PTK7: variants seen among roughly 807,000 people sequenced by gnomAD.
PTK7 encodes the protein protein tyrosine kinase 7 (inactive).
PTK7 carries 39 observed loss-of-function variants against 116.6 expected under a neutral mutation model. The ratio of observed to expected loss-of-function variants is 0.33; its 90% confidence interval spans 0.26 to 0.44. The LOEUF is 0.44. Among genes scored for constraint, PTK7 ranks in the 20% least tolerant of loss-of-function variants. The probability of loss-of-function intolerance (pLI) is 1.00; values close to 1 mark genes in which losing one functional copy is unlikely to be tolerated. For synonymous variants in PTK7, 546 were observed against 563.6 expected, an observed-to-expected ratio of 0.97 and a Z score of 0.44; for missense variants, 1,169 against 1,425.6, an observed-to-expected ratio of 0.82 and a Z score of 2.90.
At chr6:43,113,080 A>G (rs1393707760) in intron 1 of PTK7, among the ~76,000 whole-genome samples, 1 of 152,060 alleles carries the variant, frequency 6.6e-6, no homozygotes, top group Non-Finnish European at 1.5e-5. Context: ...TCAGCCTCCC[A>G]AAGTGCTCTT....
intron 1 of PTK7, among the ~76,000 whole-genome samples, chr6:43,105,506 T>C (rs1329051154): frequency 1.3e-5 from 2 of 150,548 alleles, no homozygotes; most frequent in Non-Finnish European, 2.9e-5. Flanking sequence ...GAGGGTGAAT[T>C]GTGTCCTCCC....
chr6:43,100,400 A>G (rs572605415), intron 1 of PTK7, among the ~76,000 whole-genome samples: 1 of 146,836 alleles, frequency 6.8e-6, no homozygotes, highest in South Asian at 2.2e-4. Context: ...AAAAAAAATC[A>G]TTAGGGTTTT....
At chr6:43,134,608 C>A (rs1234451300) in intron 7 of PTK7, among the ~76,000 whole-genome samples, 1 of 151,712 alleles carries the variant, frequency 6.6e-6, no homozygotes, top group Non-Finnish European at 1.5e-5. Flanking sequence ...GGTGAAACCC[C>A]GTCTCTACTA....
At chr6:43,080,342 ACT>A (rs1766308790) in intron 1 of PTK7, among the ~76,000 whole-genome samples, 1 of 151,970 alleles carries the variant, frequency 6.6e-6, no homozygotes. Context: ...TCAGAGCGAG[ACT>A]CTGTCTCAAA....
rs1441424266 is a variant in PTK7 at position 43,076,894 on chromosome 6, T to G, written c.79+327T>G. On this transcript the variant is annotated intron_variant, in intron 1 of 19. Coordinates refer to ENST00000230419, the MANE Select transcript of PTK7 (RefSeq NM_002821.5). This position sits in a 1 kb window ranked among gnomAD's most constrained non-coding sequence, Gnocchi z 5.7. ...GGCTCTCGGGCCCAGATGGGGAGTTTCTTGTCGGGGGAGAAAAGACCATCC... is the reference window on the plus strand; with the variant it reads ...GGCTCTCGGGCCCAGATGGGGAGTTGCTTGTCGGGGGAGAAAAGACCATCC... 1 of 1,507,692 alleles carries G rather than the reference T, an allele frequency of 6.6e-7. No homozygotes were observed. Among genetic ancestry groups the G allele is most frequent in the African/African-American group, 1.4e-5 (1 of 72,132 alleles). 93.4% of individuals were successfully genotyped at this position (1,507,692 alleles called of 1,614,324 possible). A position where few individuals can be genotyped will look rare whatever the true frequency, so the allele number is the denominator to read the frequency against.
At chr6:43,118,628 T>TCC (rs1768713794) in intron 1 of PTK7, among the ~76,000 whole-genome samples, 1 of 65,614 alleles carries the variant, frequency 1.5e-5, no homozygotes, top group Non-Finnish European at 2.7e-5. Context: ...AACCTCTCTC[T>TCC]CTCTCTCTCT....
chr6:43,103,173 A>T (rs1767677618), intron 1 of PTK7, among the ~76,000 whole-genome samples: 1 of 152,236 alleles, frequency 6.6e-6, no homozygotes, highest in Admixed American at 6.5e-5. Context: ...TAAAAATAAA[A>T]ACAAAATGCT....
At chr6:43,140,286 T>A (rs191039638) in intron 10 of PTK7, among the ~76,000 whole-genome samples, 3 of 151,906 alleles carry the variant, frequency 2.0e-5, no homozygotes, top group Non-Finnish European at 4.4e-5. Context: ...ACCTCGTCTC[T>A]ACTGAAAATA....
chr6:43,135,618 A>G (rs1769983394), intron 7 of PTK7, among the ~76,000 whole-genome samples: 4 of 152,220 alleles, frequency 2.6e-5, no homozygotes, highest in South Asian at 2.1e-4. Flanking sequence ...TGAGATGGAA[A>G]TGGGCTTGTA....
chr6:43,158,763 G>A (rs948987998), intron 17 of PTK7, 54 bp from the exon 18 acceptor site: 2 of 1,572,926 alleles, frequency 1.3e-6, no homozygotes, highest in Non-Finnish European at 1.7e-6. Flanking sequence ...GTTGAGGGTG[G>A]TCATCTTGAT....
intron 1 of PTK7, among the ~76,000 whole-genome samples, chr6:43,087,180 A>G (rs1766708309): frequency 6.6e-6 from 1 of 152,164 alleles, no homozygotes; most frequent in South Asian, 2.1e-4. Context: ...GTGGAGCCCC[A>G]TTACTGTACC....
At chr6:43,108,370 TG>T (rs1768011064) in intron 1 of PTK7, among the ~76,000 whole-genome samples, 2 of 150,232 alleles carry the variant, frequency 1.3e-5, no homozygotes, top group South Asian at 2.1e-4. Context: ...GCTGGGATTA[TG>T]GGCATGAGCC....
At chr6:43,079,003 T>TA (rs1261647614) in intron 1 of PTK7, among the ~76,000 whole-genome samples, 2 of 152,072 alleles carry the variant, frequency 1.3e-5, no homozygotes, top group African/African-American at 4.8e-5. Flanking sequence ...TGTTGGGAAG[T>TA]ATGGTGGCAG....
Position 43,139,309 on chromosome 6 carries a change from T to C in PTK7, c.1498+38T>C. On this transcript the variant is annotated intron_variant, in intron 9 of 19. Coordinates refer to ENST00000230419, the MANE Select transcript of PTK7 (RefSeq NM_002821.5). The surrounding 1 kb of genome is among the most constrained non-coding windows in gnomAD (Gnocchi z 4.6). ...GTCTTGGGGGAGCACCCTTCCTGGC[T>C]AGGCAGGAGAGGAAAGGGGAGGGAG... The C allele has an allele frequency of 6.2e-7, 1 of 1,614,118 alleles. No homozygotes were observed. Among genetic ancestry groups the C allele is most frequent in the South Asian group, 1.1e-5 (1 of 91,080 alleles).
chr6:43,134,857 G>A (rs1769934201), intron 7 of PTK7, among the ~76,000 whole-genome samples: 1 of 152,054 alleles, frequency 6.6e-6, no homozygotes. Context: ...GGCTGAGGCT[G>A]GAGGATCATT....
At chr6:43,150,786 GC>G (rs1771016735) in intron 17 of PTK7, among the ~76,000 whole-genome samples, 7 of 85,538 alleles carry the variant, frequency 8.2e-5, no homozygotes, top group South Asian at 4.7e-4. Context: ...TGTAGACTCA[GC>G]TTTTTTTTTT....
chr6:43,127,999 A>G (rs895405199), intron 1 of PTK7, among the ~76,000 whole-genome samples: 3 of 152,120 alleles, frequency 2.0e-5, no homozygotes, highest in African/African-American at 7.2e-5. Flanking sequence ...TTTCTAGAGA[A>G]TCTTGGCTTC....
chr6:43,138,696 C>A, intron 7 of PTK7, 153 bp from the exon 8 acceptor site: 1 of 1,092,306 alleles, frequency 9.2e-7, no homozygotes, highest in Non-Finnish European at 1.3e-6. Context: ...GTGCTGGCAC[C>A]TGGGTCTTCC....
chr6:43,087,955 G>T (rs1441375578), intron 1 of PTK7, among the ~76,000 whole-genome samples: 1 of 152,194 alleles, frequency 6.6e-6, no homozygotes, highest in Non-Finnish European at 1.5e-5. Flanking sequence ...GACAGGGAAA[G>T]AAACTGAGGC....
Sources: allele counts gnomAD v4.1 joint callset (sites outside exome capture counted in the v4.1 genomes callset), GRCh38; gene constraint gnomAD v4.1.1; non-coding constraint Gnocchi (gnomAD v3.1); transcripts MANE v1.5; gene names NCBI Gene and HGNC (gene_info 2026-07-23, HGNC 2026-07-21).